Variants in NRXN1 observed in about 807,000 individuals in gnomAD.
NRXN1 encodes neurexin 1, also known as neurexin-1.
NRXN1 carries 39 observed loss-of-function variants against 150.9 expected under a neutral mutation model. The observed-to-expected ratio is 0.26, with a 90% CI of 0.20 to 0.34. The LOEUF (loss-of-function observed/expected upper bound fraction) is 0.34. Among genes scored for constraint, NRXN1 ranks in the 10% least tolerant of loss-of-function variants. The pLI, the probability that NRXN1 is intolerant of heterozygous loss-of-function variation, is 1.00. For missense variants in NRXN1, 1,815 were observed against 1,949.9 expected (o/e 0.93, Z 1.30); for synonymous variants, 924 against 757.0 (o/e 1.22, Z -3.62).
At chr2:49,949,568 A>G (rs1056462059) in intron 21 of NRXN1, among the ~76,000 whole-genome samples, 1 of 151,910 alleles carries the variant, frequency 6.6e-6, no homozygotes, top group African/African-American at 2.4e-5. Flanking sequence ...GAAAAGAGCA[A>G]TTTCCAATTG....
intron 18 of NRXN1, among the ~76,000 whole-genome samples, chr2:50,156,676 C>T (rs925476398): frequency 1.2e-4 from 18 of 151,832 alleles, no homozygotes; most frequent in African/African-American, 4.1e-4. Context: ...GTTTCACACG[C>T]CATGTTTTAA....
chr2:50,404,248 C>T (rs1007690543), intron 17 of NRXN1, among the ~76,000 whole-genome samples: 2 of 151,878 alleles, frequency 1.3e-5, no homozygotes, highest in Admixed American at 1.3e-4. Context: ...GACTTTAATG[C>T]CAGTGCTTCA....
At chr2:50,677,224 G>A (rs916928192) in intron 5 of NRXN1, among the ~76,000 whole-genome samples, 2 of 149,568 alleles carry the variant, frequency 1.3e-5, no homozygotes, top group South Asian at 4.3e-4. Context: ...CATTCCCAAA[G>A]TGTTTTTTGT....
chr2:50,465,345 C>G (rs1175313330), intron 17 of NRXN1, 97 bp downstream of exon 17: 3 of 1,245,496 alleles, frequency 2.4e-6, no homozygotes, highest in Non-Finnish European at 3.2e-6. Context: ...TCGACTGACT[C>G]AGAGTTAATA....
chr2:50,716,486 A>G (rs1372416058), intron 5 of NRXN1, among the ~76,000 whole-genome samples: 2 of 152,198 alleles, frequency 1.3e-5, no homozygotes, highest in Non-Finnish European at 2.9e-5. Context: ...TGGCTGAAAA[A>G]AGATAATTAC....
chr2:50,239,924 A>G (rs2065861189), intron 17 of NRXN1, among the ~76,000 whole-genome samples: 1 of 151,118 alleles, frequency 6.6e-6, no homozygotes, highest in South Asian at 2.1e-4. Flanking sequence ...AAATGACAGA[A>G]CATTTAATAT....
rs560008246 is a variant in NRXN1, at chr2:49,923,275, G to T, written c.4217-1024C>A. 2.0e-5 allele frequency among the ~76,000 whole-genome samples: 3 copies of T among 152,258 alleles called. No individual in the cohort carries two copies. In the South Asian group the frequency reaches 6.2e-4, roughly 32 times the overall value. ...GATATAAAAGGATAGAAACTGTAGC[G>T]AGAGAAGAAGATTCTATCCTACTCT... On this transcript the variant is annotated intron_variant, in intron 22 of 22. Transcript: ENST00000401669.
intron 2 of NRXN1, among the ~76,000 whole-genome samples, chr2:50,998,644 C>T (rs928585769): frequency 1.3e-5 from 2 of 151,854 alleles, no homozygotes; most frequent in Non-Finnish European, 2.9e-5. Context: ...TATTTAAATG[C>T]TCCATTAAAA....
Position 50,473,977 on chromosome 2 carries a change from C to T in NRXN1, c.3071-1506G>A, listed in dbSNP as rs72878368. ...AAAAACTGAGAACTTAGGTCCTTGACCTAACTAAAACTTAAGTTTTATAAC... is the reference window on the plus strand; with the variant it reads ...AAAAACTGAGAACTTAGGTCCTTGATCTAACTAAAACTTAAGTTTTATAAC... On this transcript the variant is annotated intron_variant, in intron 15 of 22. Coordinates refer to ENST00000401669, the MANE Select transcript of NRXN1 (RefSeq NM_001330078.2). 5.7e-3 allele frequency among the ~76,000 whole-genome samples: 859 copies of T among 151,970 alleles called. 7 individuals are homozygous for T. The highest frequency in any genetic ancestry group is 0.019 in the African/African-American group (797 of 41,490).
intron 5 of NRXN1, among the ~76,000 whole-genome samples, chr2:50,861,046 A>G (rs1676061530): frequency 2.0e-5 from 3 of 152,078 alleles, no homozygotes; most frequent in Non-Finnish European, 4.4e-5. Context: ...GGGCATAGAC[A>G]TGATTAGGTT....
At chr2:50,811,973 C>G (rs1200565806) in intron 5 of NRXN1, among the ~76,000 whole-genome samples, 1 of 151,928 alleles carries the variant, frequency 6.6e-6, no homozygotes, top group Non-Finnish European at 1.5e-5. Flanking sequence ...CCAACCTATA[C>G]AGAAGTATGA....
intron 5 of NRXN1, among the ~76,000 whole-genome samples, chr2:50,803,752 C>A (rs919177943): frequency 6.6e-6 from 1 of 152,132 alleles, no homozygotes; most frequent in Non-Finnish European, 1.5e-5. Context: ...GGGATACTTA[C>A]GTTCAAGATC....
rs2105333796 is a variant in NRXN1, at chr2:51,028,114, T to G, written c.160A>C (p.Met54Leu). 1.3e-6 allele frequency: 2 copies of G among 1,574,220 alleles called. No homozygotes were observed. Among genetic ancestry groups the G allele is most frequent in the Non-Finnish European group, 1.7e-6 (2 of 1,162,694 alleles). Residue 54 changes from methionine (M) to leucine (L), a missense_variant, in exon 2 of 23, where the codon ATG becomes CTG. By Grantham distance (15) the Met-to-Leu change is conservative (BLOSUM62 2). Coordinates refer to ENST00000401669, the MANE Select transcript of NRXN1 (RefSeq NM_001330078.2). ...CTGCGAGTCTTGAGCTGGAAGCTCATCTCGCTCTCGCAGCAGGCGTTCCAC... is the reference window on the plus strand; with the variant it reads ...CTGCGAGTCTTGAGCTGGAAGCTCAGCTCGCTCTCGCAGCAGGCGTTCCAC... ...PKWNACCESE[M>L]SFQLKTRSAR...
intron 8 of NRXN1, among the ~76,000 whole-genome samples, chr2:50,604,032 T>C (rs1017857765): frequency 6.6e-6 from 1 of 152,120 alleles, no homozygotes; most frequent in Non-Finnish European, 1.5e-5. Context: ...TATTCTTCTT[T>C]CTCCAAAACT....
At chr2:50,077,151 A>G (rs2152678574) in intron 19 of NRXN1, among the ~76,000 whole-genome samples, 1 of 152,270 alleles carries the variant, frequency 6.6e-6, no homozygotes, top group African/African-American at 2.4e-5. Context: ...TAAGGTATGT[A>G]AAATAATTAG....
chr2:50,330,860 T>C (rs193106946), intron 17 of NRXN1, among the ~76,000 whole-genome samples: 1 of 152,240 alleles, frequency 6.6e-6, no homozygotes, highest in East Asian at 1.9e-4. Flanking sequence ...AGCAGGACAG[T>C]GCTAGGAAAG....
intron 8 of NRXN1, among the ~76,000 whole-genome samples, chr2:50,617,839 T>C (rs910446262): frequency 6.6e-6 from 1 of 152,182 alleles, no homozygotes; most frequent in East Asian, 1.9e-4. Context: ...ATTAGAGGTG[T>C]TAATCTGAAG....
At chr2:50,582,979 C>G (rs999307710) in intron 8 of NRXN1, among the ~76,000 whole-genome samples, 1 of 138,810 alleles carries the variant, frequency 7.2e-6, no homozygotes, top group Non-Finnish European at 1.7e-5. Context: ...CTCTCTCCCT[C>G]TCTTTCTTCT....
At chr2:51,014,457 A>G (rs1401615512) in intron 2 of NRXN1, among the ~76,000 whole-genome samples, 2 of 152,062 alleles carry the variant, frequency 1.3e-5, no homozygotes, top group Non-Finnish European at 2.9e-5. Context: ...CATTAAACTT[A>G]AGGGAGAAAT....
Sources: allele counts gnomAD v4.1 joint callset (sites outside exome capture counted in the v4.1 genomes callset), GRCh38; gene constraint gnomAD v4.1.1; transcripts MANE v1.5; gene names NCBI Gene and HGNC (gene_info 2026-07-23, HGNC 2026-07-21).